The following AKR1C2 variants were observed in gnomAD, a reference collection of about 807,000 sequenced individuals.
AKR1C2 encodes 3-alpha-HSD3.
In AKR1C2, 27 loss-of-function variants were observed where a neutral mutation model predicts 39.8. The observed-to-expected ratio is 0.68, with a 90% confidence interval of 0.50 to 0.93. AKR1C2 has a LOEUF of 0.93. Among genes scored for constraint, AKR1C2 ranks in the 40% least tolerant of loss-of-function variants. The probability of loss-of-function intolerance (pLI) is 0.00; values close to 1 mark genes in which losing one functional copy is unlikely to be tolerated. For synonymous variants in AKR1C2, 114 were observed against 137.9 expected, an observed-to-expected ratio of 0.83 and a Z score of 1.22; for missense variants, 263 against 365.1, an observed-to-expected ratio of 0.72 and a Z score of 2.28.
chr10:4,999,836 A>T lies in AKR1C2; in HGVS notation c.370-559T>A, dbSNP rs566962704. 2.1e-4 allele frequency: 172 copies of T among 815,028 alleles called. 2 individuals carry two copies. The South Asian group carries it at 8.2e-3, about 39-fold the overall frequency. The allele number at this position is 815,028 out of a possible 1,614,324, so 50.5% of individuals were successfully genotyped here. ...GCCACCAACGAAAAAGGTTGGAACA[A>T]ATATTTAAAAAGCCTTTTGTAATAA... On this transcript the variant is annotated intron_variant, in intron 3 of 8. Transcript: ENST00000380753.
rs1208187503 is a variant in AKR1C2, at chr10:4,988,636, T to C, written c.*1360A>G. On this transcript the variant is annotated 3_prime_UTR_variant, in exon 9 of 9. Transcript: ENST00000380753. Reference sequence around the variant, plus strand: ...TGGGATGCCTATCAGCTCTGAGACATGGCTTGAGAAGGAATCTCTGATGGG... The same window carrying C: ...TGGGATGCCTATCAGCTCTGAGACACGGCTTGAGAAGGAATCTCTGATGGG... 1.3e-5 allele frequency: 2 copies of C among 152,126 alleles called. No individual in the cohort carries two copies. Among genetic ancestry groups the C allele is most frequent in the Non-Finnish European group, 2.9e-5 (2 of 68,022 alleles). 9.4% of individuals were successfully genotyped at this position (152,126 alleles called of 1,614,324 possible).
intron 7 of AKR1C2, among the ~76,000 whole-genome samples, chr10:4,993,591 C>T (rs563033603): frequency 1.6e-4 from 25 of 151,942 alleles, no homozygotes; most frequent in South Asian, 6.2e-4. Context: ...ACACAACACA[C>T]ACCAACCACA....
intron 7 of AKR1C2, among the ~76,000 whole-genome samples, chr10:4,993,345 A>G (rs1836906574): frequency 2.0e-5 from 3 of 152,332 alleles, no homozygotes; most frequent in African/African-American, 7.2e-5. Flanking sequence ...GCTCATGGAC[A>G]TTTCATATAT....
chr10:5,000,486 C>T (rs1837227242), intron 3 of AKR1C2, 64 bp downstream of exon 3: 1 of 1,613,366 alleles, frequency 6.2e-7, no homozygotes, highest in African/African-American at 1.3e-5. Flanking sequence ...GTTCAAATCT[C>T]CATGAAAACA....
intron 1 of AKR1C2, among the ~76,000 whole-genome samples, chr10:5,017,149 C>G (rs1299836204): frequency 2.0e-5 from 3 of 152,216 alleles, no homozygotes; most frequent in Non-Finnish European, 4.4e-5. Flanking sequence ...GCATTTTTCC[C>G]TATTGTCTTG....
At chr10:5,005,561 T>C (rs1219906971), upstream of AKR1C2, among the ~76,000 whole-genome samples, 1 of 151,882 alleles carries the variant, frequency 6.6e-6, no homozygotes, top group African/African-American at 2.4e-5. Context: ...TGAGCACCTG[T>C]AGTCCCAGCT....
At chr10:5,008,381 G>A (rs536395052), upstream of AKR1C2, among the ~76,000 whole-genome samples, 96 of 151,894 alleles carry the variant, frequency 6.3e-4, 1 homozygote, top group Middle Eastern at 3.4e-3. Flanking sequence ...CAGGCCCAAA[G>A]CTCCCCTCCT....
chr10:4,990,069 A>C (rs1461677432), intron 8 of AKR1C2, 31 bp from the exon 9 acceptor site: 1 of 1,609,250 alleles, frequency 6.2e-7, no homozygotes, highest in Non-Finnish European at 8.5e-7. Context: ...GCACACTCTG[A>C]ATGGCAATGA....
At position 4,987,906 on chromosome 10, in the gene AKR1C2, G is replaced by GA. The variant is rs1480004680; in HGVS notation, c.*2089dup. The GA allele has an allele frequency of 1.0e-4, 15 of 146,362 alleles. No individual in the cohort carries two copies. Among genetic ancestry groups the GA allele is most frequent in the African/African-American group, 3.8e-4 (15 of 39,256 alleles). 9.1% of individuals were successfully genotyped at this position (146,362 alleles called of 1,614,324 possible). On this transcript the variant is annotated 3_prime_UTR_variant, in exon 9 of 9. Coordinates refer to ENST00000380753, the MANE Select transcript of AKR1C2 (RefSeq NM_001393392.1). ...TCCTCCCTTCAGCATTTCTTTGAGAGAAAAAATAGGAAAATTAGTGATTGG... is the reference window on the plus strand; with the variant it reads ...TCCTCCCTTCAGCATTTCTTTGAGAGAAAAAAATAGGAAAATTAGTGATTGG...
At chr10:4,993,032 A>T (rs180850217) in intron 7 of AKR1C2, among the ~76,000 whole-genome samples, 1 of 152,230 alleles carries the variant, frequency 6.6e-6, no homozygotes, top group Non-Finnish European at 1.5e-5. Context: ...AAGTAGTGGG[A>T]TATTCATATT....
chr10:4,992,878 A>T (rs1836888539), intron 7 of AKR1C2, among the ~76,000 whole-genome samples: 1 of 152,008 alleles, frequency 6.6e-6, no homozygotes, highest in Non-Finnish European at 1.5e-5. Context: ...TGAACCCGGG[A>T]GGTGGAGGTT....
intron 1 of AKR1C2, among the ~76,000 whole-genome samples, chr10:5,017,191 C>A (rs574219762): frequency 1.3e-5 from 2 of 152,220 alleles, no homozygotes; most frequent in Non-Finnish European, 2.9e-5. Context: ...TTTACTCATG[C>A]AAATTTCTGC....
chr10:4,998,796 C>T (rs781803998), intron 4 of AKR1C2, 49 bp from the exon 5 acceptor site: 8 of 1,609,894 alleles, frequency 5.0e-6, no homozygotes, highest in Non-Finnish European at 6.8e-6. Flanking sequence ...GACTGAAGAG[C>T]AAGATAAATG....
At chr10:5,000,094 A>C (rs1837207594) in intron 3 of AKR1C2, 3 of 1,145,426 alleles carry the variant, frequency 2.6e-6, no homozygotes, top group Non-Finnish European at 3.2e-6. Context: ...AAGGTTTCCC[A>C]TGAAGGTTTG....
chr10:5,000,457 C>A, intron 3 of AKR1C2, 93 bp downstream of exon 3: 1 of 1,608,932 alleles, frequency 6.2e-7, no homozygotes, highest in Non-Finnish European at 8.5e-7. Context: ...ATCCCTATGT[C>A]CTCCTAAGAA....
chr10:4,998,805 T>TGTAACATAGATAAATGTAACACA (rs1472873917), intron 4 of AKR1C2, 58 bp from the exon 5 acceptor site: 4 of 1,607,132 alleles, frequency 2.5e-6, no homozygotes, highest in Non-Finnish European at 3.4e-6. Context: ...GCAAGATAAA[T>TGTAACATAGATAAATGTAACACA]GTAACATAGA....
At chr10:5,001,960 C>T (rs1398241454) in intron 1 of AKR1C2, among the ~76,000 whole-genome samples, 3 of 152,146 alleles carry the variant, frequency 2.0e-5, no homozygotes, top group Admixed American at 2.0e-4. Context: ...TTGGAAAAAT[C>T]AACAGGACGC....
At chr10:5,001,321 T>C (rs1276050680) in intron 2 of AKR1C2, among the ~76,000 whole-genome samples, 193 bp downstream of exon 2, 2 of 152,238 alleles carry the variant, frequency 1.3e-5, no homozygotes, top group Admixed American at 1.3e-4. Flanking sequence ...AGGCATGAAT[T>C]GGAACACTGC....
chr10:5,003,969 T>C (rs1337601507), upstream of AKR1C2: 65 of 630,438 alleles, frequency 1.0e-4, no homozygotes, highest in African/African-American at 1.0e-3. Context: ...GAGGCAGTCT[T>C]ACACAAGCTG....
Sources: gnomAD v4.1 joint callset for allele counts (sites outside exome capture counted in the v4.1 genomes callset) on GRCh38, gnomAD v4.1.1 for gene constraint, MANE v1.5 for transcripts, NCBI Gene and HGNC (gene_info 2026-07-23, HGNC 2026-07-21) for gene names.